Variants in TRIM37 observed in about 807,000 individuals in gnomAD.
The protein encoded by TRIM37 is tripartite motif containing 37.
Under a neutral mutation model 129.8 loss-of-function variants are expected in TRIM37, and 80 were observed. The observed-to-expected ratio is 0.62, with a 90% CI of 0.51 to 0.74. The LOEUF (loss-of-function observed/expected upper bound fraction) is 0.74. TRIM37 is among the 30% of genes least tolerant of loss of function. The pLI, the probability that TRIM37 is intolerant of heterozygous loss-of-function variation, is 0.00. For missense variants in TRIM37, 1,054 were observed against 1,176.5 expected, an observed-to-expected ratio of 0.90 and a Z score of 1.52; for synonymous variants, 389 against 387.1, an observed-to-expected ratio of 1.00 and a Z score of -0.06.
intron 17 of TRIM37, among the ~76,000 whole-genome samples, chr17:59,035,184 C>A (rs141423903): frequency 6.6e-6 from 1 of 152,004 alleles, no homozygotes; most frequent in Non-Finnish European, 1.5e-5. Context: ...CTCAGCCTCC[C>A]GAGTAGCTGG....
rs200901369 is a variant in TRIM37 at position 59,049,023 on chromosome 17, TATTAAC to T, written c.1530+149_1530+154del. 4.8e-4 allele frequency among the ~76,000 whole-genome samples: 73 copies of T among 152,358 alleles called. 1 individual carries two copies. In the East Asian group the frequency reaches 0.014, roughly 29 times the overall value. On this transcript the variant is annotated intron_variant, in intron 15 of 23. Transcript: ENST00000262294. ...TGCTTTGATTCAACAACTTCTGACT[TATTAAC>T]ATTTACATAAGGGCATACATACATT...
chr17:58,979,361 G>A (rs1423273866), downstream of TRIM37, among the ~76,000 whole-genome samples: 2 of 152,198 alleles, frequency 1.3e-5, no homozygotes, highest in Non-Finnish European at 2.9e-5. Context: ...GCTCCCATGT[G>A]TGAGGCCTTG....
the TRIM37 span, among the ~76,000 whole-genome samples, chr17:58,969,301 T>G: frequency 6.6e-6 from 1 of 152,180 alleles, no homozygotes; most frequent in Admixed American, 6.5e-5. Context: ...GCACTTCAGC[T>G]TGAGCTAATT....
intron 17 of TRIM37, among the ~76,000 whole-genome samples, chr17:59,035,763 CCAAAAAAA>C (rs1003704852): frequency 3.4e-5 from 5 of 147,608 alleles, no homozygotes; most frequent in African/African-American, 1.1e-4. Flanking sequence ...AAACAAAAAA[CCAAAAAAA>C]CAAAAAAACA....
At position 59,075,763 on chromosome 17, in the gene TRIM37, A is replaced by AACCAAT. The variant is rs1465168741; in HGVS notation, c.617-50_617-49insATTGGT. On this transcript the variant is annotated intron_variant, in intron 7 of 23. Transcript: ENST00000262294. ...AACACTTGGGTTCATTATTGGTTTAAGAATGAAATTAACTTCCAATGAACA... is the reference window on the plus strand; with the variant it reads ...AACACTTGGGTTCATTATTGGTTTAAACCAATGAATGAAATTAACTTCCAATGAACA... The AACCAAT allele has an allele frequency of 2.9e-6, 4 of 1,369,230 alleles. No individual in the cohort carries two copies. In the African/African-American group the frequency reaches 5.7e-5, roughly 20 times the overall value. 84.8% of individuals were successfully genotyped at this position (1,369,230 alleles called of 1,614,324 possible). A position where few individuals can be genotyped will look rare whatever the true frequency, so the allele number is the denominator to read the frequency against.
rs146686536 is a variant in TRIM37 at position 59,030,669 on chromosome 17, C to T, written c.1948+1227G>A. 7.9e-3 allele frequency among the ~76,000 whole-genome samples: 1,204 copies of T among 152,236 alleles called. 9 individuals are homozygous for T. Among genetic ancestry groups the T allele is most frequent in the Non-Finnish European group, 0.012 (794 of 68,020 alleles). On this transcript the variant is annotated intron_variant, in intron 18 of 23. Transcript: ENST00000262294. ...ATGATACTGATTATTTTCAAAAACA[C>T]GATTTTACTTGTCTATAAAATATAC...
chr17:59,049,636 G>A (rs1187430164), intron 14 of TRIM37, among the ~76,000 whole-genome samples: 1 of 152,172 alleles, frequency 6.6e-6, no homozygotes, highest in Non-Finnish European at 1.5e-5. Context: ...TGGGACTGGA[G>A]GTGTGTGCCA....
At chr17:59,006,420 G>A (rs913641152) in intron 22 of TRIM37, among the ~76,000 whole-genome samples, 6 of 152,286 alleles carry the variant, frequency 3.9e-5, no homozygotes, top group South Asian at 2.1e-4. Flanking sequence ...CAAGTTGCTC[G>A]AATTTCAGAT....
intron 12 of TRIM37, among the ~76,000 whole-genome samples, chr17:59,060,221 G>A (rs1025782839): frequency 1.3e-5 from 2 of 152,114 alleles, no homozygotes; most frequent in African/African-American, 4.8e-5. Flanking sequence ...ACTCTCTCAA[G>A]GCTGTAAGCT....
At chr17:59,002,541 C>T (rs1036692794) in intron 22 of TRIM37, among the ~76,000 whole-genome samples, 1 of 152,154 alleles carries the variant, frequency 6.6e-6, no homozygotes, top group East Asian at 1.9e-4. Context: ...CTGGCCACAT[C>T]AGTTGATTTT....
At chr17:58,983,171 G>A (rs762438122) in intron 24 of TRIM37, 9 of 428,200 alleles carry the variant, frequency 2.1e-5, no homozygotes, top group Admixed American at 7.6e-5. Flanking sequence ...TTGTAGGTCC[G>A]ACTACACAGC....
At chr17:59,104,767 G>T (rs1276952722) in intron 1 of TRIM37, among the ~76,000 whole-genome samples, 1 of 151,964 alleles carries the variant, frequency 6.6e-6, no homozygotes, top group African/African-American at 2.4e-5. Flanking sequence ...TTCATCTAAT[G>T]ATATAGAAAA....
intron 13 of TRIM37, among the ~76,000 whole-genome samples, chr17:59,052,611 C>T (rs1478015759): frequency 1.3e-5 from 2 of 152,090 alleles, no homozygotes; most frequent in East Asian, 3.9e-4. Context: ...TTTTGGGCAT[C>T]ATTATATGTT....
At chr17:59,000,954 G>C (rs2033645810) in intron 23 of TRIM37, among the ~76,000 whole-genome samples, 1 of 152,022 alleles carries the variant, frequency 6.6e-6, no homozygotes, top group Admixed American at 6.6e-5. Flanking sequence ...CAGGACTTTG[G>C]GAGGCCAAGG....
At chr17:59,017,548 AAAC>A in intron 19 of TRIM37, 124 bp from the exon 20 acceptor site, 2 of 1,335,138 alleles carry the variant, frequency 1.5e-6, no homozygotes, top group African/African-American at 1.5e-5. Context: ...GTCTAAAAAT[AAAC>A]AACATTCTGT....
intron 22 of TRIM37, among the ~76,000 whole-genome samples, chr17:59,005,611 T>C (rs1326792614): frequency 6.6e-6 from 1 of 152,200 alleles, no homozygotes; most frequent in Non-Finnish European, 1.5e-5. Context: ...ACAAATCATT[T>C]AATTAGTATT....
intron 22 of TRIM37, among the ~76,000 whole-genome samples, chr17:59,003,854 G>C (rs1394295759): frequency 1.3e-5 from 2 of 150,984 alleles, no homozygotes; most frequent in African/African-American, 4.9e-5. Flanking sequence ...GAAAGGCTGA[G>C]GCAGGAGGAT....
downstream of TRIM37, chr17:58,981,180 T>A: frequency 3.2e-6 from 2 of 624,048 alleles, no homozygotes; most frequent in Non-Finnish European, 5.4e-6. Context: ...TCTAGGAAAC[T>A]CAAAGTACAG....
intron 9 of TRIM37, 108 bp downstream of exon 9, chr17:59,070,710 TAAAAG>T: frequency 8.2e-7 from 1 of 1,226,500 alleles, no homozygotes; most frequent in Non-Finnish European, 1.1e-6. Flanking sequence ...ACCCTATCTA[TAAAAG>T]AAAAGAGAGA....
Sources: gnomAD v4.1 joint callset for allele counts (sites outside exome capture counted in the v4.1 genomes callset) on GRCh38, gnomAD v4.1.1 for gene constraint, MANE v1.5 for transcripts, NCBI Gene and HGNC (gene_info 2026-07-23, HGNC 2026-07-21) for gene names.